DENND2D: variants seen among roughly 807,000 people sequenced by gnomAD.
DENND2D encodes DENN domain-containing protein 2D.
Under a neutral mutation model 59.8 loss-of-function variants are expected in DENND2D, and 37 were observed. The observed-to-expected ratio is 0.62, with a 90% confidence interval of 0.48 to 0.81. The LOEUF (loss-of-function observed/expected upper bound fraction) is 0.81. Ranked by LOEUF, DENND2D falls within the 40% of genes least tolerant of loss-of-function variation. DENND2D has a pLI of 0.00. For missense variants in DENND2D, 525 were observed against 579.7 expected, an observed-to-expected ratio of 0.91 and a Z score of 0.97; for synonymous variants, 219 against 211.3, an observed-to-expected ratio of 1.04 and a Z score of -0.31.
chr1:111,197,127 C>T (rs11590991), intron 5 of DENND2D, 49 bp downstream of exon 5: 88,307 of 1,574,434 alleles, frequency 0.056, 2,652 homozygotes, highest in East Asian at 0.066. Context: ...GGGTTGGCAG[C>T]CAGAGACAGC....
At chr1:111,197,408 A>G in intron 4 of DENND2D, 155 bp from the exon 5 acceptor site, 2 of 1,456,424 alleles carry the variant, frequency 1.4e-6, no homozygotes, top group Non-Finnish European at 1.8e-6. Flanking sequence ...CAGCATCAAA[A>G]GAAGAAATCC....
At chr1:111,192,375 C>A (rs1657862758) in intron 7 of DENND2D, 58 bp from the exon 8 acceptor site, 3 of 1,447,636 alleles carry the variant, frequency 2.1e-6, no homozygotes, top group South Asian at 1.5e-5. Context: ...ATGCTACACA[C>A]CCCTCATCGC....
In DENND2D at chr1:111,192,284, T is replaced by C; in HGVS notation, c.828A>G (p.Ala276=). Residue 276 remains alanine (A), a synonymous_variant, in exon 8 of 12, where the codon GCA becomes GCG. Coordinates refer to ENST00000357640, the MANE Select transcript of DENND2D (RefSeq NM_024901.5). ...GCGCCCAGCTGAAGGGGTAGAGCAG[T>C]GCGGCAGCAGCATGGATGCACTGAG... ...TLSQCIHAAA[A]LLYPFSWAHT... The C allele has an allele frequency of 6.2e-7, 1 of 1,610,910 alleles. No individual in the cohort carries two copies. Among genetic ancestry groups the C allele is most frequent in the Non-Finnish European group, 8.5e-7 (1 of 1,178,018 alleles).
At chr1:111,199,518 G>A (rs2101503296) in intron 2 of DENND2D, 105 bp downstream of exon 2, 2 of 1,353,062 alleles carry the variant, frequency 1.5e-6, no homozygotes, top group Non-Finnish European at 2.0e-6. Context: ...GCAGCTCCAG[G>A]CTCAAGCCCC....
At chr1:111,203,277 G>C (rs733505), upstream of DENND2D, among the ~76,000 whole-genome samples, 1 of 152,148 alleles carries the variant, frequency 6.6e-6, no homozygotes. Context: ...GTTCAAAGAA[G>C]GGTGCACTGA....
At chr1:111,198,844 C>T in intron 2 of DENND2D, 102 bp from the exon 3 acceptor site, 1 of 1,215,454 alleles carries the variant, frequency 8.2e-7, no homozygotes, top group Non-Finnish European at 1.2e-6. Context: ...CTAAAGCAGT[C>T]TAGGGTTAAG....
upstream of DENND2D, chr1:111,204,349 T>A: frequency 6.8e-7 from 1 of 1,478,946 alleles, no homozygotes; most frequent in Non-Finnish European, 8.9e-7. Flanking sequence ...GCCGAGCCCA[T>A]CCATGGCCCC....
chr1:111,188,678 C>G lies in DENND2D; in HGVS notation c.1099+24G>C, dbSNP rs755649907. On this transcript the variant is annotated intron_variant, in intron 10 of 11. Transcript: ENST00000357640. ...CATGCCCTTGCACTGCCTGGAGAGA[C>G]CCAAAATAAGAGTAAGGACTTACTC... 1.9e-6 allele frequency: 3 copies of G among 1,599,670 alleles called. No individual in the cohort carries two copies. In the Admixed American group the frequency reaches 5.0e-5, roughly 27 times the overall value.
upstream of DENND2D, chr1:111,204,367 C>G (rs1235315586): frequency 6.3e-6 from 9 of 1,419,956 alleles, no homozygotes; most frequent in Non-Finnish European, 7.3e-6. Context: ...CCCTGGAGTG[C>G]CCGGCTCCCG....
At position 111,186,911 on chromosome 1, in the gene DENND2D, C is replaced by T. The variant is rs909715503; in HGVS notation, c.*694G>A. Among the ~76,000 whole-genome samples the T allele has an allele frequency of 1.3e-5, 2 of 152,172 alleles. No individual in the cohort carries two copies. The highest frequency in any genetic ancestry group is 1.3e-4 in the Admixed American group (2 of 15,280). On this transcript the variant is annotated 3_prime_UTR_variant, in exon 12 of 12. Coordinates refer to ENST00000357640, the MANE Select transcript of DENND2D (RefSeq NM_024901.5). Reference sequence around the variant, plus strand: ...AAGCTGCTTCCCTTCAGTGAGCAGCCTCTCCTCCCAGGATTCTGGAAAGCA... The same window carrying T: ...AAGCTGCTTCCCTTCAGTGAGCAGCTTCTCCTCCCAGGATTCTGGAAAGCA...
At chr1:111,198,521 G>T in intron 3 of DENND2D, 109 bp downstream of exon 3, 1 of 1,110,296 alleles carries the variant, frequency 9.0e-7, no homozygotes, top group Non-Finnish European at 1.3e-6. Flanking sequence ...TACACTCCCA[G>T]GCCGAAAATC....
upstream of DENND2D, chr1:111,204,077 AGGCCTGGCCTCGCCGT>A: frequency 2.7e-5 from 2 of 74,312 alleles, no homozygotes; most frequent in Non-Finnish European, 2.5e-5. Context: ...TCGCCCCCTC[AGGCCTGGCCTCGCCGT>A]CCCCGCCCCC....
upstream of DENND2D, chr1:111,200,715 C>A: frequency 2.4e-6 from 3 of 1,273,294 alleles, no homozygotes; most frequent in South Asian, 4.6e-5. Flanking sequence ...CAGCGCAGAT[C>A]TCAGCTCCTC....
In DENND2D at chr1:111,198,791, T is replaced by C. The variant is rs535262267; in HGVS notation, c.244-49A>G. ...GTGGATGTGAAGCTGGGGGCAGAGA[T>C]AGCAGGAGACAGCTTCAGAGCTGGT... On this transcript the variant is annotated intron_variant, in intron 2 of 11. Transcript: ENST00000357640. The C allele has an allele frequency of 8.8e-5, 140 of 1,599,692 alleles. 4 individuals are homozygous for C. Among genetic ancestry groups the C allele is most frequent in the South Asian group, 6.5e-4 (59 of 90,564 alleles).
intron 9 of DENND2D, 147 bp downstream of exon 9, chr1:111,189,065 G>A: frequency 1.1e-6 from 1 of 899,742 alleles, no homozygotes; most frequent in Non-Finnish European, 1.7e-6. Flanking sequence ...TATGTCCATG[G>A]GCTCCTTGAG....
upstream of DENND2D, chr1:111,204,335 G>A (rs1395198948): frequency 6.8e-7 from 1 of 1,480,656 alleles, no homozygotes; most frequent in Non-Finnish European, 8.9e-7. Context: ...GCTCGAAGGC[G>A]GCGGCCGAGC....
upstream of DENND2D, chr1:111,200,685 G>A: frequency 7.6e-7 from 1 of 1,320,906 alleles, no homozygotes; most frequent in Non-Finnish European, 9.8e-7. Flanking sequence ...AGCACCAACA[G>A]AGTCAGCATC....
chr1:111,186,690 C>G lies in DENND2D; in HGVS notation c.*915G>C, dbSNP rs138014628. On this transcript the variant is annotated 3_prime_UTR_variant, in exon 12 of 12. Transcript: ENST00000357640. ...GGGGAAGAACGTCAGTGCAGCGATC[C>G]CTTCACCTTTAGTTAAAGAATTGGA... 6.6e-6 allele frequency among the ~76,000 whole-genome samples: 1 copy of G among 152,186 alleles called. No individual in the cohort carries two copies. The highest frequency in any genetic ancestry group is 1.5e-5 in the Non-Finnish European group (1 of 68,014).
At chr1:111,196,128 GC>G in intron 5 of DENND2D, 72 bp from the exon 6 acceptor site, 1 of 1,514,228 alleles carries the variant, frequency 6.6e-7, no homozygotes. Flanking sequence ...GACTCTACTT[GC>G]CCCTGAGCGT....
Sources: allele counts gnomAD v4.1 joint callset (sites outside exome capture counted in the v4.1 genomes callset), GRCh38; gene constraint gnomAD v4.1.1; transcripts MANE v1.5; gene names NCBI Gene and HGNC (gene_info 2026-07-23, HGNC 2026-07-21).